Variants in TTC34 observed in about 807,000 individuals in gnomAD.
TTC34 encodes tetratricopeptide repeat domain 34.
Under a neutral mutation model 40.7 loss-of-function variants are expected in TTC34, and 44 were observed. The ratio of observed to expected loss-of-function variants is 1.08; its 90% confidence interval spans 0.85 to 1.39. The LOEUF (loss-of-function observed/expected upper bound fraction) is 1.39. Among genes scored for constraint, TTC34 ranks in the 40% most tolerant of loss-of-function variants. The pLI, the probability that TTC34 is intolerant of heterozygous loss-of-function variation, is 0.00. For missense variants in TTC34, 884 were observed against 838.0 expected, an observed-to-expected ratio of 1.05 and a Z score of -0.68; for synonymous variants, 422 against 398.6, an observed-to-expected ratio of 1.06 and a Z score of -0.70.
At chr1:2,761,130 T>C (rs1641672850) in intron 6 of TTC34, among the ~76,000 whole-genome samples, 1 of 47,070 alleles carries the variant, frequency 2.1e-5, no homozygotes, top group Admixed American at 2.1e-4. Flanking sequence ...CTCCCCCAGG[T>C]GAGCATCCGA....
chr1:2,652,810 C>A (rs533119576), intron 6 of TTC34, among the ~76,000 whole-genome samples: 2 of 150,822 alleles, frequency 1.3e-5, no homozygotes, highest in East Asian at 1.9e-4. Context: ...ACCACACCCC[C>A]AGACGAGCAT....
intron 5 of TTC34, among the ~76,000 whole-genome samples, chr1:2,785,016 G>GGGCCGCTCTA (rs1643560396): frequency 6.6e-6 from 1 of 152,230 alleles, no homozygotes; most frequent in Non-Finnish European, 1.5e-5. Flanking sequence ...GGGCCGCTCT[G>GGGCCGCTCTA]GGCTGCATGC....
chr1:2,769,951 C>T (rs1171816322), intron 6 of TTC34, among the ~76,000 whole-genome samples: 2 of 73,874 alleles, frequency 2.7e-5, no homozygotes, highest in Non-Finnish European at 5.2e-5. Context: ...AGCACCCACA[C>T]CCCCAGGTGA....
At chr1:2,681,105 C>T (rs1239967412) in intron 6 of TTC34, among the ~76,000 whole-genome samples, 450 of 86,882 alleles carry the variant, frequency 5.2e-3, no homozygotes, top group African/African-American at 0.017. Flanking sequence ...TGCCCACACC[C>T]CCAGGTGAGC....
chr1:2,641,484 C>A (rs1406847230), exon 9 of TTC34: 1 of 1,535,674 alleles, frequency 6.5e-7, no homozygotes, highest in South Asian at 1.2e-5. Context: ...CAGGCCTCTG[C>A]GTGACGCTGC....
At chr1:2,775,252 T>C (rs1447901946) in intron 6 of TTC34, 5 of 149,354 alleles carry the variant, frequency 3.3e-5, no homozygotes, top group Admixed American at 2.7e-4. Flanking sequence ...TCTGACTGTA[T>C]GGAATGACAT....
At chr1:2,637,179 G>A (rs1424258467) in exon 9 of TTC34, 4 of 152,030 alleles carry the variant, frequency 2.6e-5, no homozygotes, top group Non-Finnish European at 5.9e-5. Context: ...TTAAACAAAG[G>A]TACCACTCAA....
rs771337806 is a variant in TTC34, at chr1:2,645,401, C to G, written c.2389G>C (p.Glu797Gln). 6.5e-7 allele frequency: 1 copy of G among 1,535,696 alleles called. No homozygotes were observed. Among genetic ancestry groups the G allele is most frequent in the Non-Finnish European group, 8.7e-7 (1 of 1,146,696 alleles). ...AGGAGGCCCTGGGTGTCCTTGTCCTCGAGAGGGGCCCCAGTGTCTGGCAGC... is the reference window on the plus strand; with the variant it reads ...AGGAGGCCCTGGGTGTCCTTGTCCTGGAGAGGGGCCCCAGTGTCTGGCAGC... Residue 797 changes from glutamate to glutamine, a missense_variant, in exon 7 of 9, where the codon GAG becomes CAG. Physicochemically the swap from Glu to Gln is conservative, Grantham distance 29. Coordinates refer to ENST00000401095, the Ensembl canonical transcript of TTC34. The surrounding 1 kb of genome is among the most constrained non-coding windows in gnomAD (Gnocchi z 4.7).
At chr1:2,675,109 CAG>C (rs1639852669) in intron 6 of TTC34, among the ~76,000 whole-genome samples, 1 of 1,846 alleles carries the variant, frequency 5.4e-4, no homozygotes, top group African/African-American at 1.3e-3. Flanking sequence ...CAGCCTGGAG[CAG>C]TGCCCACACC....
intron 6 of TTC34, among the ~76,000 whole-genome samples, chr1:2,754,541 A>C: frequency 1.8e-5 from 1 of 55,664 alleles, no homozygotes; most frequent in Non-Finnish European, 2.8e-5. Flanking sequence ...ACGCATAACC[A>C]CAGGTGAACA....
chr1:2,685,282 CA>C, intron 6 of TTC34, among the ~76,000 whole-genome samples: 1 of 104,040 alleles, frequency 9.6e-6, no homozygotes, highest in Non-Finnish European at 1.9e-5. Flanking sequence ...CCTGCACCCC[CA>C]GGTGAGCATC....
At chr1:2,783,096 C>T (rs948234964) in intron 6 of TTC34, among the ~76,000 whole-genome samples, 15 of 152,220 alleles carry the variant, frequency 9.9e-5, no homozygotes, top group Non-Finnish European at 1.8e-4. Flanking sequence ...GTCTTAAATG[C>T]ATAGATACCG....
At chr1:2,768,073 C>G (rs1213485725) in intron 6 of TTC34, among the ~76,000 whole-genome samples, 8 of 151,362 alleles carry the variant, frequency 5.3e-5, no homozygotes, top group Admixed American at 1.3e-4. Context: ...CAGCCAGGAA[C>G]GGCAACCCAC....
chr1:2,783,781 G>C lies in TTC34; in HGVS notation c.2060-6C>G. ...GGACTCACTTGCCTGGCTTCCTGCA[G>C]GAAGACGGCATGGGGTCAGGATGAG... On this transcript the variant is annotated splice_region_variant and splice_polypyrimidine_tract_variant and intron_variant, in intron 5 of 8. Coordinates refer to ENST00000401095, the Ensembl canonical transcript of TTC34. The C allele has an allele frequency of 6.7e-7, 1 of 1,491,220 alleles. No individual in the cohort carries two copies. The allele number at this position is 1,491,220 out of a possible 1,614,324, so 92.4% of individuals were successfully genotyped here.
At position 2,752,111 on chromosome 1, in the gene TTC34, C is replaced by T. The variant is rs1335814283; in HGVS notation, c.2226+31498G>A. On this transcript the variant is annotated intron_variant, in intron 6 of 8. Coordinates refer to ENST00000401095, the Ensembl canonical transcript of TTC34. ...ACACCTTCAGGCGAGCATCGGACAG[C>T]CTGGAGCAACACCCACGCCCCCAGG... 2.7e-5 allele frequency among the ~76,000 whole-genome samples: 3 copies of T among 110,286 alleles called. 1 individual carries two copies. Among genetic ancestry groups the T allele is most frequent in the South Asian group, 3.3e-4 (1 of 3,076 alleles). 72.4% of individuals were successfully genotyped at this position (110,286 alleles called of 152,430 possible). A position where few individuals can be genotyped will look rare whatever the true frequency, so the allele number is the denominator to read the frequency against.
chr1:2,752,445 C>G (rs1641353772), intron 6 of TTC34, among the ~76,000 whole-genome samples: 1 of 148,088 alleles, frequency 6.8e-6, no homozygotes, highest in East Asian at 2.0e-4. Context: ...GGAACAGCAC[C>G]CTGCACCCCC....
At position 2,690,220 on chromosome 1, in the gene TTC34, C is replaced by T. The variant is rs528404018; in HGVS notation, c.2227-44657G>A. 9.2e-5 allele frequency among the ~76,000 whole-genome samples: 13 copies of T among 140,598 alleles called. No individual in the cohort carries two copies. The East Asian group carries it at 2.4e-3, about 26-fold the overall frequency. The allele number at this position is 140,598 out of a possible 152,430, so 92.2% of individuals were successfully genotyped here. A position where few individuals can be genotyped will look rare whatever the true frequency, so the allele number is the denominator to read the frequency against. The stretch of plus-strand genomic sequence containing the variant: ...TGACAGCCTGGAGCAGCACCCACAC[C>T]CCAGGTGAGGATCTGACAGCCTGGA... On this transcript the variant is annotated intron_variant, in intron 6 of 8. Transcript: ENST00000401095.
Position 2,781,091 on chromosome 1 carries a change from A to G in TTC34, c.2226+2518T>C, listed in dbSNP as rs796332030. Among the ~76,000 whole-genome samples the G allele has an allele frequency of 2.6e-5, 4 of 152,208 alleles. No individual in the cohort carries two copies. The East Asian group carries it at 5.8e-4, about 22-fold the overall frequency. On this transcript the variant is annotated intron_variant, in intron 6 of 8. Coordinates refer to ENST00000401095, the Ensembl canonical transcript of TTC34. ...TCCCCTTATATGTGAATTTTTTTCA[A>G]TAAATACAGCCAGCCTTTCATATTG... is the stretch of plus-strand genomic sequence containing the variant.
intron 6 of TTC34, among the ~76,000 whole-genome samples, chr1:2,647,733 T>C (rs1639049266): frequency 6.6e-6 from 1 of 152,226 alleles, no homozygotes; most frequent in South Asian, 2.1e-4. Flanking sequence ...TGCTGCCACT[T>C]CGCCCTCCCA....
Sources: allele counts gnomAD v4.1 joint callset (sites outside exome capture counted in the v4.1 genomes callset), GRCh38; gene constraint gnomAD v4.1.1; non-coding constraint Gnocchi (gnomAD v3.1); transcripts MANE v1.5; gene names NCBI Gene and HGNC (gene_info 2026-07-23, HGNC 2026-07-21).